Variants in THSD4 observed in about 807,000 individuals in gnomAD.
THSD4 encodes thrombospondin type 1 domain containing 4.
A neutral mutation model predicts 119.0 loss-of-function variants in THSD4; 69 were observed. The observed-to-expected ratio is 0.58, with a 90% confidence interval of 0.48 to 0.71. The LOEUF is 0.71. Ranked by LOEUF, THSD4 falls within the 30% of genes least tolerant of loss-of-function variation. The pLI is 0.00. For missense variants in THSD4, 1,393 were observed against 1,391.1 expected (o/e 1.00, Z -0.02); for synonymous variants, 524 against 540.4 (o/e 0.97, Z 0.42).
At chr15:71,408,339 C>A (rs2046635802) in intron 6 of THSD4, among the ~76,000 whole-genome samples, 1 of 152,100 alleles carries the variant, frequency 6.6e-6, no homozygotes, top group Non-Finnish European at 1.5e-5. Flanking sequence ...CTCAAAGGAT[C>A]CTCTCACCTC....
chr15:71,357,418 C>G (rs2045832246), intron 6 of THSD4, among the ~76,000 whole-genome samples: 1 of 152,322 alleles, frequency 6.6e-6, no homozygotes, highest in Non-Finnish European at 1.5e-5. Flanking sequence ...CAGGCTCACT[C>G]TGCAGTGTGT....
intron 11 of THSD4, among the ~76,000 whole-genome samples, chr15:71,744,140 G>C (rs2053288009): frequency 7.4e-6 from 1 of 134,390 alleles, no homozygotes; most frequent in Non-Finnish European, 1.6e-5. Flanking sequence ...AGGCAGAATT[G>C]AATCAGCTTT....
At chr15:71,636,149 C>T (rs1475377812) in intron 7 of THSD4, among the ~76,000 whole-genome samples, 1 of 152,224 alleles carries the variant, frequency 6.6e-6, no homozygotes, top group East Asian at 1.9e-4. Context: ...AGACCAGGCG[C>T]AGTGGCTCAC....
intron 1 of THSD4, among the ~76,000 whole-genome samples, chr15:71,125,069 G>T (rs2040441932): frequency 6.6e-6 from 1 of 151,808 alleles, no homozygotes; most frequent in African/African-American, 2.4e-5. Context: ...GTGAGACCCA[G>T]CCAGAAAGAG....
intron 7 of THSD4, among the ~76,000 whole-genome samples, chr15:71,563,340 C>T (rs781059000): frequency 5.3e-5 from 8 of 152,054 alleles, no homozygotes; most frequent in Non-Finnish European, 1.2e-4. Flanking sequence ...CTGTTAGTAC[C>T]CTGAAGGCCG....
chr15:71,411,432 G>T (rs563654384), intron 6 of THSD4, among the ~76,000 whole-genome samples: 1 of 152,294 alleles, frequency 6.6e-6, no homozygotes, highest in Admixed American at 6.5e-5. Context: ...GAATTGAAAT[G>T]ACAGCTCACA....
At position 71,728,848 on chromosome 15, in the gene THSD4, C is replaced by T. The variant is rs2052917686; in HGVS notation, c.1533+124C>T. On this transcript the variant is annotated intron_variant, in intron 9 of 17. Transcript: ENST00000261862. Reference sequence around the variant, plus strand: ...TCAATAAAAACCCTTTGAGCAGAGCCTGTTGGAGGCACTCCTTGAATGCTT... The same window carrying T: ...TCAATAAAAACCCTTTGAGCAGAGCTTGTTGGAGGCACTCCTTGAATGCTT... 2.4e-6 allele frequency: 3 copies of T among 1,262,960 alleles called. No homozygotes were observed. The Admixed American group carries it at 5.3e-5, about 22-fold the overall frequency. The allele number at this position is 1,262,960 out of a possible 1,614,324, so 78.2% of individuals were successfully genotyped here. A position where few individuals can be genotyped will look rare whatever the true frequency, so the allele number is the denominator to read the frequency against.
intron 8 of THSD4, among the ~76,000 whole-genome samples, chr15:71,691,416 G>A (rs1428047926): frequency 6.6e-6 from 1 of 152,190 alleles, no homozygotes; most frequent in Non-Finnish European, 1.5e-5. Flanking sequence ...ACTTCACCTG[G>A]CTGGAGACCA....
At chr15:71,449,697 G>T (rs1212630060) in intron 7 of THSD4, among the ~76,000 whole-genome samples, 1 of 152,146 alleles carries the variant, frequency 6.6e-6, no homozygotes, top group Non-Finnish European at 1.5e-5. Flanking sequence ...TTTAGCCTGG[G>T]TTGTAAAGTG....
At position 71,782,491 on chromosome 15, in the gene THSD4, A is replaced by G. The variant is rs549447375; in HGVS notation, c.*5117A>G. On this transcript the variant is annotated 3_prime_UTR_variant, in exon 18 of 18. Coordinates refer to ENST00000261862, the MANE Select transcript of THSD4 (RefSeq NM_024817.3). The stretch of plus-strand genomic sequence containing the variant: ...AATATGTATTCTGAACTCTATCTGC[A>G]GAATGAGTCACTACACCAAAATAGT... The G allele has an allele frequency of 4.7e-4, 72 of 152,360 alleles. No homozygotes were observed. The highest frequency in any genetic ancestry group is 1.7e-3 in the African/African-American group (72 of 41,584). 9.4% of individuals were successfully genotyped at this position (152,360 alleles called of 1,614,324 possible). A position where few individuals can be genotyped will look rare whatever the true frequency, so the allele number is the denominator to read the frequency against.
chr15:71,730,275 A>G (rs2052949973), intron 9 of THSD4: 1 of 152,150 alleles, frequency 6.6e-6, no homozygotes, highest in Admixed American at 6.5e-5. Flanking sequence ...AGAAACATCA[A>G]ACCCGACCGT....
intron 7 of THSD4, among the ~76,000 whole-genome samples, chr15:71,613,194 A>C (rs544791738): frequency 2.0e-4 from 30 of 152,210 alleles, no homozygotes; most frequent in African/African-American, 6.5e-4. Context: ...TTGCATGGGA[A>C]GAGTTTTATA....
intron 14 of THSD4, among the ~76,000 whole-genome samples, chr15:71,751,791 C>G (rs1011712992): frequency 6.2e-4 from 95 of 152,120 alleles, no homozygotes; most frequent in Non-Finnish European, 6.0e-4. Flanking sequence ...CCTCAGCCTC[C>G]TGAGTAGCTG....
intron 6 of THSD4, among the ~76,000 whole-genome samples, chr15:71,297,495 C>G (rs2044882620): frequency 6.6e-6 from 1 of 152,082 alleles, no homozygotes; most frequent in Admixed American, 6.6e-5. Context: ...GCCCCCATGC[C>G]TGGCTAATTT....
At chr15:71,416,269 GATGC>G (rs1596417328) in intron 7 of THSD4, among the ~76,000 whole-genome samples, 1 of 112,180 alleles carries the variant, frequency 8.9e-6, no homozygotes, top group Admixed American at 1.1e-4. Context: ...CACTCAAGTT[GATGC>G]AAATCTTGGC....
intron 6 of THSD4, among the ~76,000 whole-genome samples, chr15:71,379,226 C>G (rs1314481524): frequency 1.3e-5 from 2 of 150,740 alleles, no homozygotes; most frequent in African/African-American, 4.8e-5. Context: ...TACATCTTAG[C>G]TGTTGGTTAC....
intron 6 of THSD4, among the ~76,000 whole-genome samples, chr15:71,318,926 G>A (rs1031533083): frequency 6.6e-6 from 1 of 152,140 alleles, no homozygotes; most frequent in Non-Finnish European, 1.5e-5. Flanking sequence ...CTAGCTTGGG[G>A]TTTAGCTTTG....
intron 8 of THSD4, among the ~76,000 whole-genome samples, chr15:71,663,206 C>A (rs1443725663): frequency 6.6e-6 from 1 of 151,824 alleles, no homozygotes; most frequent in African/African-American, 2.4e-5. Context: ...GAGTTGTAAT[C>A]GTGCCACTGC....
intron 6 of THSD4, among the ~76,000 whole-genome samples, chr15:71,362,331 T>C (rs2045903208): frequency 6.6e-6 from 1 of 152,216 alleles, no homozygotes; most frequent in African/African-American, 2.4e-5. Context: ...AGAATCTCAC[T>C]CTTTACTCCT....
Sources: allele counts gnomAD v4.1 joint callset (sites outside exome capture counted in the v4.1 genomes callset), GRCh38; gene constraint gnomAD v4.1.1; transcripts MANE v1.5; gene names NCBI Gene and HGNC (gene_info 2026-07-23, HGNC 2026-07-21).